Variants in OR1J2 observed in about 807,000 individuals in gnomAD.
OR1J2 encodes the protein olfactory receptor family 1 subfamily J member 2, also known as olfactory receptor 1J2.
For missense variants in OR1J2, 304 were observed against 246.1 expected (o/e 1.24, Z -1.57); for synonymous variants, 142 against 99.7 (o/e 1.42, Z -2.52).
chr9:122,468,028 A>G, the OR1J2 span, among the ~76,000 whole-genome samples: 6 of 152,058 alleles, frequency 3.9e-5, no homozygotes, highest in Non-Finnish European at 5.9e-5. Context: ...AGTTTTTCCT[A>G]TTTTCTCAAA....
the OR1J2 span, among the ~76,000 whole-genome samples, chr9:122,547,620 AGTGTGTGTGTGTGTGT>A: frequency 1.4e-5 from 2 of 142,900 alleles, no homozygotes; most frequent in Non-Finnish European, 3.1e-5. Flanking sequence ...GTAGTAGTTC[AGTGTGTGTGTGTGTGT>A]GTGTGTGTGT....
rs1828634320 is a variant in OR1J2 at position 122,511,427 on chromosome 9, T to C, written c.626T>C (p.Leu209Pro). The C allele has an allele frequency of 2.6e-6, 2 of 774,220 alleles. No individual in the cohort carries two copies. The highest frequency in any genetic ancestry group is 2.4e-5 in the East Asian group (1 of 41,244). 48.0% of individuals were successfully genotyped at this position (774,220 alleles called of 1,614,324 possible). ...ACAGTAGGGGTGGTGGTCATTACCC[T>C]GCCATTCATGTGTATCCTGGTATCA... ...MFTVGVVVIT[L>P]PFMCILVSYG... The change falls in exon 1 of 1, where the codon CTG becomes CCG. Residue 209 changes from leucine (L) to proline (P), a missense_variant. Physicochemically the swap from Leu to Pro is moderately conservative, Grantham distance 98. Transcript: ENST00000335302.
At chr9:122,539,224 C>G in the OR1J2 span, among the ~76,000 whole-genome samples, 9 of 152,184 alleles carry the variant, frequency 5.9e-5, no homozygotes, top group South Asian at 2.1e-4. Flanking sequence ...CCCATTAACT[C>G]GTCATTTAAC....
the OR1J2 span, among the ~76,000 whole-genome samples, chr9:122,529,613 G>C: frequency 6.6e-6 from 1 of 151,910 alleles, no homozygotes; most frequent in African/African-American, 2.4e-5. Flanking sequence ...CTCTATTTTT[G>C]GTTTTTCTCT....
At chr9:122,466,762 G>A in the OR1J2 span, among the ~76,000 whole-genome samples, 1,497 of 152,034 alleles carry the variant, frequency 9.8e-3, 8 homozygotes, top group Middle Eastern at 0.054. Context: ...ACTTATGGGG[G>A]ATTTTCCCAC....
chr9:122,523,052 C>T, the OR1J2 span, among the ~76,000 whole-genome samples: 1 of 152,050 alleles, frequency 6.6e-6, no homozygotes, highest in African/African-American at 2.4e-5. Context: ...GAAATACTTA[C>T]ATGGTAGTAA....
At chr9:122,489,154 C>T in the OR1J2 span, among the ~76,000 whole-genome samples, 2 of 151,952 alleles carry the variant, frequency 1.3e-5, no homozygotes, top group African/African-American at 4.8e-5. Flanking sequence ...AGGTAAGAGC[C>T]GAGTGCTGTG....
At chr9:122,501,047 A>G in the OR1J2 span, among the ~76,000 whole-genome samples, 1 of 152,204 alleles carries the variant, frequency 6.6e-6, no homozygotes. Context: ...GCAGGTTTAC[A>G]GTTATTTGCG....
At chr9:122,510,720 T>C, upstream of OR1J2, 1 of 850,630 alleles carries the variant, frequency 1.2e-6, no homozygotes, top group Non-Finnish European at 1.9e-6. Context: ...CGTACATCTT[T>C]TAATATGACT....
At chr9:122,504,684 T>C in the OR1J2 span, among the ~76,000 whole-genome samples, 1 of 152,150 alleles carries the variant, frequency 6.6e-6, no homozygotes, top group Non-Finnish European at 1.5e-5. Context: ...CAGACTTTAG[T>C]CCAAGGTGTC....
chr9:122,538,436 G>A, the OR1J2 span, among the ~76,000 whole-genome samples: 1 of 151,908 alleles, frequency 6.6e-6, no homozygotes, highest in Non-Finnish European at 1.5e-5. Context: ...CAGCTACAGT[G>A]TTGTTGGTGT....
At chr9:122,553,377 C>A in the OR1J2 span, 3 of 1,614,058 alleles carry the variant, frequency 1.9e-6, no homozygotes, top group South Asian at 2.2e-5. Context: ...CAGCTCTGAC[C>A]CACACCTCCA....
At chr9:122,497,994 A>G in the OR1J2 span, among the ~76,000 whole-genome samples, 3 of 151,728 alleles carry the variant, frequency 2.0e-5, no homozygotes, top group Non-Finnish European at 2.9e-5. Context: ...GCTTTGAGAA[A>G]TCTTCTTGGT....
the OR1J2 span, among the ~76,000 whole-genome samples, chr9:122,486,665 G>C: frequency 1.3e-5 from 2 of 152,148 alleles, no homozygotes; most frequent in Non-Finnish European, 2.9e-5. Flanking sequence ...CAGCCTAACA[G>C]GATCACAAAA....
chr9:122,487,012 T>G, the OR1J2 span, among the ~76,000 whole-genome samples: 91 of 152,180 alleles, frequency 6.0e-4, no homozygotes, highest in Middle Eastern at 3.4e-3. Context: ...TCCCAGAAAG[T>G]AAATTTCTCG....
the OR1J2 span, among the ~76,000 whole-genome samples, chr9:122,556,776 A>G: frequency 6.6e-6 from 1 of 152,164 alleles, no homozygotes; most frequent in Non-Finnish European, 1.5e-5. Context: ...CATTTTGTTG[A>G]TATCCACAAA....
downstream of OR1J2, among the ~76,000 whole-genome samples, chr9:122,511,945 A>T (rs757580943): frequency 1.3e-5 from 2 of 152,184 alleles, no homozygotes. Context: ...TGGTCAGTGA[A>T]TGCCAAATTT....
chr9:122,506,511 G>A (rs1828525019), upstream of OR1J2, among the ~76,000 whole-genome samples: 2 of 152,106 alleles, frequency 1.3e-5, no homozygotes, highest in South Asian at 4.2e-4. Flanking sequence ...TCTGAGAAAT[G>A]TCTAGAATCT....
chr9:122,558,276 A>G, the OR1J2 span, among the ~76,000 whole-genome samples: 1 of 111,772 alleles, frequency 8.9e-6, no homozygotes, highest in African/African-American at 3.3e-5. Flanking sequence ...TTAGTTTCCT[A>G]GTGGGGAAGC....
Sources: gnomAD v4.1 joint callset for allele counts (sites outside exome capture counted in the v4.1 genomes callset) on GRCh38, gnomAD v4.1.1 for gene constraint, MANE v1.5 for transcripts, NCBI Gene and HGNC (gene_info 2026-07-23, HGNC 2026-07-21) for gene names.